TTC39B: variants seen among roughly 807,000 people sequenced by gnomAD.
TTC39B encodes tetratricopeptide repeat domain 39B, also known as tetratricopeptide repeat protein 39B.
Under a neutral mutation model 96.6 loss-of-function variants are expected in TTC39B, and 92 were observed. The ratio of observed to expected loss-of-function variants is 0.95; its 90% CI spans 0.80 to 1.13. The LOEUF is 1.13. Ranked by LOEUF, TTC39B falls within the 50% of genes most tolerant of loss-of-function variation. The pLI is 0.00. For missense variants in TTC39B, 955 were observed against 809.3 expected, an observed-to-expected ratio of 1.18 and a Z score of -2.18; for synonymous variants, 367 against 299.4, an observed-to-expected ratio of 1.23 and a Z score of -2.33.
chr9:15,298,892 A>G (rs1824479734), intron 1 of TTC39B, among the ~76,000 whole-genome samples: 1 of 152,106 alleles, frequency 6.6e-6, no homozygotes, highest in South Asian at 2.1e-4. Context: ...CCTCTCCTGG[A>G]AGACACTTCA....
chr9:15,207,961 G>A (rs368802890), intron 6 of TTC39B, among the ~76,000 whole-genome samples: 16 of 132,404 alleles, frequency 1.2e-4, no homozygotes, highest in African/African-American at 4.6e-4. Flanking sequence ...TCCAGCCTGG[G>A]CAACAGAGTG....
chr9:15,203,960 G>T, intron 6 of TTC39B, 70 bp from the exon 7 acceptor site: 2 of 1,420,756 alleles, frequency 1.4e-6, no homozygotes, highest in South Asian at 1.3e-5. Flanking sequence ...TGATGTTCAG[G>T]AAAGACTGGC....
intron 3 of TTC39B, among the ~76,000 whole-genome samples, chr9:15,225,168 A>G (rs1481755168): frequency 1.3e-5 from 2 of 152,212 alleles, no homozygotes; most frequent in Non-Finnish European, 2.9e-5. Flanking sequence ...ATGATACCAC[A>G]GAAAAATATC....
intron 19 of TTC39B, 52 bp from the exon 20 acceptor site, chr9:15,172,161 G>T: frequency 2.4e-6 from 3 of 1,228,996 alleles, no homozygotes; most frequent in Non-Finnish European, 3.6e-6. Flanking sequence ...TATATACCAG[G>T]TACCACCACT....
At chr9:15,241,742 C>CT (rs5896669) in intron 2 of TTC39B, among the ~76,000 whole-genome samples, 38,189 of 129,116 alleles carry the variant, frequency 0.3, 6,209 homozygotes, top group Non-Finnish European at 0.36. Flanking sequence ...TTAATTAACT[C>CT]TTTTTTTTTT....
At chr9:15,221,355 G>A (rs768773844) in intron 3 of TTC39B, among the ~76,000 whole-genome samples, 11 of 152,136 alleles carry the variant, frequency 7.2e-5, no homozygotes, top group Non-Finnish European at 1.3e-4. Flanking sequence ...AATTGATTCT[G>A]TGGGCTATAT....
intron 2 of TTC39B, among the ~76,000 whole-genome samples, chr9:15,240,228 A>G (rs1821977091): frequency 6.6e-6 from 1 of 152,156 alleles, no homozygotes; most frequent in East Asian, 1.9e-4. Context: ...CAGTGCATTC[A>G]GAATCAAAGG....
chr9:15,301,077 T>C (rs952430470), intron 1 of TTC39B, among the ~76,000 whole-genome samples: 34 of 152,172 alleles, frequency 2.2e-4, no homozygotes, highest in African/African-American at 7.2e-4. Flanking sequence ...CCATCTCAAC[T>C]TCCCCCAAGG....
chr9:15,177,560 C>T (rs1412089603), intron 18 of TTC39B, 137 bp downstream of exon 18: 1 of 593,440 alleles, frequency 1.7e-6, no homozygotes. Flanking sequence ...AACAACAACA[C>T]ACTACTGGAT....
intron 2 of TTC39B, among the ~76,000 whole-genome samples, chr9:15,265,175 G>A (rs1405054036): frequency 1.3e-5 from 2 of 150,728 alleles, no homozygotes; most frequent in African/African-American, 2.5e-5. Context: ...GTTTATTTCT[G>A]TGGTTTGATT....
At chr9:15,283,735 G>A (rs530685864) in intron 1 of TTC39B, among the ~76,000 whole-genome samples, 30 of 152,142 alleles carry the variant, frequency 2.0e-4, no homozygotes, top group East Asian at 9.7e-4. Context: ...TGTGCATATC[G>A]GAATTTTATT....
chr9:15,194,278 T>C (rs1048102751), intron 8 of TTC39B, among the ~76,000 whole-genome samples: 1 of 152,228 alleles, frequency 6.6e-6, no homozygotes, highest in East Asian at 1.9e-4. Flanking sequence ...AGAATTCTTT[T>C]TAAATCTTTT....
At chr9:15,290,197 T>C (rs1158992228) in intron 1 of TTC39B, among the ~76,000 whole-genome samples, 1 of 152,178 alleles carries the variant, frequency 6.6e-6, no homozygotes, top group Non-Finnish European at 1.5e-5. Flanking sequence ...GTTCTTAAAT[T>C]GGATTGTGGT....
At chr9:15,230,452 T>G (rs532833843) in intron 2 of TTC39B, among the ~76,000 whole-genome samples, 11 of 152,230 alleles carry the variant, frequency 7.2e-5, no homozygotes, top group Non-Finnish European at 1.2e-4. Context: ...TTGCCTATTC[T>G]GGACATTTCA....
In TTC39B at chr9:15,172,129, AAT is replaced by A. The variant is rs1320330447; in HGVS notation, c.1959-22_1959-21del. The A allele has an allele frequency of 6.3e-7, 1 of 1,587,768 alleles. No individual in the cohort carries two copies. The highest frequency in any genetic ancestry group is 1.7e-5 in the Admixed American group (1 of 59,654). On this transcript the variant is annotated intron_variant, in intron 19 of 19. Transcript: ENST00000512701. ...TTGTTCCTGAAGACAATAACAATAAAATTGTACAGTCAAAATTTCCTTATATA... is the reference window on the plus strand; with the variant it reads ...TTGTTCCTGAAGACAATAACAATAAATGTACAGTCAAAATTTCCTTATATA...
chr9:15,175,807 A>G (rs971836), intron 18 of TTC39B, among the ~76,000 whole-genome samples: 127,481 of 151,780 alleles, frequency 0.84, 54,027 homozygotes, highest in East Asian at 0.97. Context: ...GTATCCTAAT[A>G]TCCATGCAGG....
intron 2 of TTC39B, among the ~76,000 whole-genome samples, chr9:15,244,982 TAGATAG>T (rs1564383023): frequency 1.3e-5 from 2 of 152,230 alleles, no homozygotes; most frequent in Non-Finnish European, 2.9e-5. Flanking sequence ...TTTCTCAGGC[TAGATAG>T]TATGTTTCTT....
intron 1 of TTC39B, among the ~76,000 whole-genome samples, chr9:15,303,669 G>A (rs1375065974): frequency 6.7e-6 from 1 of 149,062 alleles, no homozygotes; most frequent in Non-Finnish European, 1.5e-5. Flanking sequence ...TTTTACTCTT[G>A]TTGCCCCCGC....
chr9:15,280,784 G>A (rs1823732838), intron 1 of TTC39B, among the ~76,000 whole-genome samples: 1 of 152,122 alleles, frequency 6.6e-6, no homozygotes, highest in African/African-American at 2.4e-5. Context: ...GCTTGAGTCT[G>A]GTCCTTCCCA....
Sources: gnomAD v4.1 joint callset for allele counts (sites outside exome capture counted in the v4.1 genomes callset) on GRCh38, gnomAD v4.1.1 for gene constraint, MANE v1.5 for transcripts, NCBI Gene and HGNC (gene_info 2026-07-23, HGNC 2026-07-21) for gene names.